The following CNTNAP2 variants were observed in gnomAD, a reference collection of about 807,000 sequenced individuals.
CNTNAP2 encodes contactin-associated protein-like 2.
A neutral mutation model predicts 155.2 loss-of-function variants in CNTNAP2; 98 were observed. That is an observed-to-expected ratio of 0.63 (90% CI 0.54 to 0.75). The LOEUF (loss-of-function observed/expected upper bound fraction) is 0.75, where lower values mean the gene tolerates loss of function less well. Among genes scored for constraint, CNTNAP2 ranks in the 30% least tolerant of loss-of-function variants. The pLI is 0.00. For missense variants in CNTNAP2, 1,727 were observed against 1,688.1 expected (o/e 1.02, Z -0.40); for synonymous variants, 651 against 631.2 (o/e 1.03, Z -0.47).
intron 3 of CNTNAP2, among the ~76,000 whole-genome samples, chr7:146,970,453 T>C (rs1797762581): frequency 6.6e-6 from 1 of 151,992 alleles, no homozygotes; most frequent in African/African-American, 2.4e-5. Flanking sequence ...AAAAAATACA[T>C]GAAAAAATGC....
intron 15 of CNTNAP2, chr7:148,056,334 T>G (rs1803008489): frequency 6.6e-6 from 1 of 152,220 alleles, no homozygotes. Flanking sequence ...CAGTCAGTTT[T>G]CTGTCTAAAA....
chr7:147,323,819 C>T lies in CNTNAP2; in HGVS notation c.1498+23529C>T, dbSNP rs560683463. 5.5e-4 allele frequency among the ~76,000 whole-genome samples: 84 copies of T among 152,122 alleles called. 2 individuals are homozygous for T. The South Asian group carries it at 0.013, about 24-fold the overall frequency. ...TAAGCAATAGAATATTTTTTAATTA[C>T]GCATTTATATCTCTGTTATTCCCAA... On this transcript the variant is annotated intron_variant, in intron 9 of 23. Coordinates refer to ENST00000361727, the MANE Select transcript of CNTNAP2 (RefSeq NM_014141.6).
At chr7:147,313,109 G>T (rs1487568788) in intron 9 of CNTNAP2, among the ~76,000 whole-genome samples, 1 of 138,062 alleles carries the variant, frequency 7.2e-6, no homozygotes, top group Non-Finnish European at 1.5e-5. Flanking sequence ...TGATGGGGTT[G>T]TTTGTTTTTT....
At chr7:148,236,526 C>T (rs1881726) in intron 20 of CNTNAP2, among the ~76,000 whole-genome samples, 107,560 of 152,106 alleles carry the variant, frequency 0.71, 39,190 homozygotes, top group South Asian at 0.92. Flanking sequence ...CTGACACACA[C>T]GACCATTCTG....
At position 148,112,086 on chromosome 7, in the gene CNTNAP2, C is replaced by G. The variant is rs1003697566; in HGVS notation, c.2384-6032C>G. Among the ~76,000 whole-genome samples the G allele has an allele frequency of 4.1e-4, 62 of 152,230 alleles. 1 individual carries two copies. Among genetic ancestry groups the G allele is most frequent in the African/African-American group, 1.4e-3 (58 of 41,536 alleles). On this transcript the variant is annotated intron_variant, in intron 15 of 23. Coordinates refer to ENST00000361727, the MANE Select transcript of CNTNAP2 (RefSeq NM_014141.6). ...AGAGGAAAGAGAGCCATAGAAGATG[C>G]CTCCAGGGGACAAAAACGTGACTGC...
intron 15 of CNTNAP2, among the ~76,000 whole-genome samples, chr7:148,010,366 A>G (rs571351596): frequency 6.6e-6 from 1 of 151,910 alleles, no homozygotes; most frequent in African/African-American, 2.4e-5. Context: ...TAATTTGAAT[A>G]TAGTAGAATT....
chr7:147,955,373 C>T (rs184090303), intron 14 of CNTNAP2, among the ~76,000 whole-genome samples: 60 of 152,184 alleles, frequency 3.9e-4, no homozygotes, highest in African/African-American at 1.4e-3. Context: ...ATTAGCATAA[C>T]ATGCTTTTAT....
rs1302781596 is a variant in CNTNAP2 at position 148,194,758 on chromosome 7, A to T, written c.3010+22280A>T. 3.9e-5 allele frequency among the ~76,000 whole-genome samples: 6 copies of T among 152,282 alleles called. No homozygotes were observed. In the East Asian group the frequency reaches 1.2e-3, roughly 29 times the overall value. On this transcript the variant is annotated intron_variant, in intron 18 of 23. Transcript: ENST00000361727. Reference sequence around the variant, plus strand: ...AGAAGGATGTCCCAGCTCAAGAAAAAAAAGAGACAACTTACCCTTCCTTCA... The same window carrying T: ...AGAAGGATGTCCCAGCTCAAGAAAATAAAGAGACAACTTACCCTTCCTTCA...
intron 8 of CNTNAP2, among the ~76,000 whole-genome samples, chr7:147,153,605 T>G (rs1801867446): frequency 6.6e-6 from 1 of 152,022 alleles, no homozygotes; most frequent in Admixed American, 6.6e-5. Flanking sequence ...TGAAGTACAG[T>G]AAAGAGTAAA....
At chr7:148,218,162 A>G (rs1434065852) in intron 19 of CNTNAP2, among the ~76,000 whole-genome samples, 1 of 152,238 alleles carries the variant, frequency 6.6e-6, no homozygotes. Flanking sequence ...GACTAATAAA[A>G]CATAAATACA....
rs1324766781 is a variant in CNTNAP2 at position 147,341,936 on chromosome 7, C to CA, written c.1498+41647dup. On this transcript the variant is annotated intron_variant, in intron 9 of 23. Coordinates refer to ENST00000361727, the MANE Select transcript of CNTNAP2 (RefSeq NM_014141.6). ...TAGGTTGCTATACATTGCCATAGACCATGAGGCTTAAACATCAAACATTTA... is the reference window on the plus strand; with the variant it reads ...TAGGTTGCTATACATTGCCATAGACCAATGAGGCTTAAACATCAAACATTTA... Among the ~76,000 whole-genome samples the CA allele has an allele frequency of 3.3e-5, 5 of 152,122 alleles. No individual in the cohort carries two copies. The East Asian group carries it at 7.7e-4, about 23-fold the overall frequency.
At chr7:147,669,120 G>A (rs1563046133) in intron 13 of CNTNAP2, among the ~76,000 whole-genome samples, 1 of 152,256 alleles carries the variant, frequency 6.6e-6, no homozygotes, top group South Asian at 2.1e-4. Flanking sequence ...GCCTAGCTGT[G>A]TAGCAGGATA....
rs1563046107 is a variant in CNTNAP2, at chr7:148,331,763, T to TAGAG, written c.3476-51886_3476-51885insAGAG. Among the ~76,000 whole-genome samples the TAGAG allele has an allele frequency of 1.6e-3, 25 of 15,172 alleles. 3 individuals are homozygous for TAGAG. The highest frequency in any genetic ancestry group is 6.2e-3 in the South Asian group (3 of 484). The allele number at this position is 15,172 out of a possible 152,430, so 10.0% of individuals were successfully genotyped here. A position where few individuals can be genotyped will look rare whatever the true frequency, so the allele number is the denominator to read the frequency against. On this transcript the variant is annotated intron_variant, in intron 21 of 23. Transcript: ENST00000361727. Reference sequence around the variant, plus strand: ...TGGATGGATGGAACGGACGGATGGATTGGATGGATGGAATGGACAGATGGA... The same window carrying TAGAG: ...TGGATGGATGGAACGGACGGATGGATAGAGTGGATGGATGGAATGGACAGATGGA...
At chr7:147,864,125 C>T (rs78141417) in intron 13 of CNTNAP2, among the ~76,000 whole-genome samples, 90,002 of 151,600 alleles carry the variant, frequency 0.59, 26,995 homozygotes, top group Middle Eastern at 0.7. Flanking sequence ...AGAAAGGATC[C>T]AGTTTCAGCT....
At chr7:147,426,890 A>C (rs1797385754) in intron 10 of CNTNAP2, among the ~76,000 whole-genome samples, 1 of 152,170 alleles carries the variant, frequency 6.6e-6, no homozygotes, top group Non-Finnish European at 1.5e-5. Context: ...GTGACATAAA[A>C]ATCATCACAA....
At chr7:147,263,738 T>C (rs187475840) in intron 8 of CNTNAP2, among the ~76,000 whole-genome samples, 10 of 152,300 alleles carry the variant, frequency 6.6e-5, no homozygotes, top group Admixed American at 5.2e-4. Context: ...AGAAATCATA[T>C]GTAGAAATTG....
intron 18 of CNTNAP2, among the ~76,000 whole-genome samples, chr7:148,204,579 T>C (rs1795416639): frequency 6.6e-6 from 1 of 152,248 alleles, no homozygotes; most frequent in Non-Finnish European, 1.5e-5. Context: ...TGTAGATTTT[T>C]GGTTTTTCTT....
In CNTNAP2 at chr7:147,400,702, C is replaced by T. The variant is rs184178020; in HGVS notation, c.1670+4922C>T. On this transcript the variant is annotated intron_variant, in intron 10 of 23. Transcript: ENST00000361727. ...CTAAGCAGAAGTTAGCTGTGGTGTTCTTGGGAAAGCTTTTGTTCTCCTGAT... is the reference window on the plus strand; with the variant it reads ...CTAAGCAGAAGTTAGCTGTGGTGTTTTTGGGAAAGCTTTTGTTCTCCTGAT... Among the ~76,000 whole-genome samples the T allele has an allele frequency of 5.9e-4, 90 of 152,226 alleles. 1 individual carries two copies. Among genetic ancestry groups the T allele is most frequent in the African/African-American group, 1.9e-3 (81 of 41,544 alleles).
chr7:146,502,956 G>A (rs1797328840), intron 1 of CNTNAP2, among the ~76,000 whole-genome samples: 1 of 152,040 alleles, frequency 6.6e-6, no homozygotes, highest in South Asian at 2.1e-4. Flanking sequence ...TGATAAGTGA[G>A]GTTGAGTATT....
Sources: allele counts gnomAD v4.1 joint callset (sites outside exome capture counted in the v4.1 genomes callset), GRCh38; gene constraint gnomAD v4.1.1; transcripts MANE v1.5; gene names NCBI Gene and HGNC (gene_info 2026-07-23, HGNC 2026-07-21).